The following MEF2A variants were observed in gnomAD, a reference collection of about 807,000 sequenced individuals.
The protein encoded by MEF2A is myocyte-specific enhancer factor 2A.
A neutral mutation model predicts 55.8 loss-of-function variants in MEF2A; 28 were observed. The ratio of observed to expected loss-of-function variants is 0.50; its 90% CI spans 0.37 to 0.69. MEF2A has a LOEUF of 0.69. Among genes scored for constraint, MEF2A ranks in the 30% least tolerant of loss-of-function variants. The pLI is 0.00. For synonymous variants in MEF2A, 239 were observed against 227.1 expected, an observed-to-expected ratio of 1.05 and a Z score of -0.47; for missense variants, 528 against 626.2, an observed-to-expected ratio of 0.84 and a Z score of 1.67.
At chr15:99,663,374 T>A (rs1371277009) in intron 4 of MEF2A, among the ~76,000 whole-genome samples, 1 of 152,086 alleles carries the variant, frequency 6.6e-6, no homozygotes, top group Non-Finnish European at 1.5e-5. Context: ...TATACGGAAA[T>A]GGACTGCACT....
At chr15:99,587,075 T>C (rs924839415) in intron 1 of MEF2A, among the ~76,000 whole-genome samples, 13 of 152,110 alleles carry the variant, frequency 8.5e-5, no homozygotes, top group Admixed American at 3.9e-4. Context: ...TTTTAAATTA[T>C]ACTTTAAGTT....
chr15:99,646,999 A>G (rs939467941), intron 4 of MEF2A, among the ~76,000 whole-genome samples: 3 of 152,102 alleles, frequency 2.0e-5, no homozygotes, highest in Non-Finnish European at 4.4e-5. Flanking sequence ...CCTGAATTGT[A>G]TATGAAATTT....
intron 4 of MEF2A, among the ~76,000 whole-genome samples, chr15:99,662,870 C>T (rs2048902267): frequency 6.6e-6 from 1 of 152,212 alleles, no homozygotes; most frequent in African/African-American, 2.4e-5. Context: ...ATGTACTGCT[C>T]AGCTGTGTCA....
intron 2 of MEF2A, among the ~76,000 whole-genome samples, chr15:99,623,967 C>G (rs560498001): frequency 2.0e-5 from 3 of 152,078 alleles, no homozygotes; most frequent in African/African-American, 7.2e-5. Context: ...ACCACCAACC[C>G]GGCTAATTTT....
At chr15:99,642,045 A>G (rs931597410) in intron 3 of MEF2A, among the ~76,000 whole-genome samples, 8 of 152,086 alleles carry the variant, frequency 5.3e-5, no homozygotes, top group African/African-American at 1.9e-4. Context: ...AAGGGCTTGT[A>G]GGTGTTATAC....
At chr15:99,601,932 C>T (rs1047684550) in intron 2 of MEF2A, among the ~76,000 whole-genome samples, 4 of 150,186 alleles carry the variant, frequency 2.7e-5, no homozygotes, top group African/African-American at 9.8e-5. Flanking sequence ...GATGTTATTT[C>T]TTCTTTAGGT....
intron 1 of MEF2A, among the ~76,000 whole-genome samples, chr15:99,574,095 A>G (rs1366546143): frequency 6.6e-6 from 1 of 152,184 alleles, no homozygotes; most frequent in African/African-American, 2.4e-5. Context: ...GAGAAAAGTT[A>G]CAAGAATAGT....
intron 4 of MEF2A, among the ~76,000 whole-genome samples, chr15:99,662,171 G>C (rs577506696): frequency 2.6e-5 from 4 of 152,224 alleles, no homozygotes; most frequent in African/African-American, 9.6e-5. Flanking sequence ...TGGGAGGAGA[G>C]GGTTATGGGA....
chr15:99,659,844 A>G (rs1005049184), intron 4 of MEF2A, among the ~76,000 whole-genome samples: 1 of 152,242 alleles, frequency 6.6e-6, no homozygotes, highest in Non-Finnish European at 1.5e-5. Flanking sequence ...ACTTTGATTC[A>G]TTGGACAGAT....
chr15:99,589,615 A>G (rs894006836), intron 1 of MEF2A, among the ~76,000 whole-genome samples: 1 of 152,104 alleles, frequency 6.6e-6, no homozygotes, highest in Non-Finnish European at 1.5e-5. Context: ...TTTTTCTTCT[A>G]AAATACGCAC....
intron 4 of MEF2A, among the ~76,000 whole-genome samples, chr15:99,648,275 A>T (rs529920002): frequency 3.9e-4 from 60 of 152,170 alleles, no homozygotes; most frequent in African/African-American, 1.4e-3. Flanking sequence ...CAAAGATTTG[A>T]GGGGGTTCTA....
At chr15:99,670,110 G>A (rs2050567119) in intron 4 of MEF2A, among the ~76,000 whole-genome samples, 1 of 152,064 alleles carries the variant, frequency 6.6e-6, no homozygotes, top group Non-Finnish European at 1.5e-5. Context: ...AAGAAAGAAA[G>A]AAATAAGACA....
intron 1 of MEF2A, among the ~76,000 whole-genome samples, chr15:99,570,483 A>G (rs1014798303): frequency 6.6e-6 from 1 of 152,224 alleles, no homozygotes; most frequent in Non-Finnish European, 1.5e-5. Context: ...TGCTTGAGAA[A>G]GGTTTTCAGT....
At position 99,630,581 on chromosome 15, in the gene MEF2A, C is replaced by T. The variant is rs191056508; in HGVS notation, c.-142-2397C>T. 1.8e-3 allele frequency among the ~76,000 whole-genome samples: 281 copies of T among 152,026 alleles called. 3 individuals are homozygous for T. The highest frequency in any genetic ancestry group is 0.016 in the Admixed American group (240 of 15,278). On this transcript the variant is annotated intron_variant, in intron 2 of 11. Coordinates refer to ENST00000557942, the MANE Select transcript of MEF2A (RefSeq NM_001319206.4). ...ATCTTGGTTTCAGTTGGGTTTTGAC[C>T]GGTTATATTTTGATTTCCAGACATT...
At position 99,712,424 on chromosome 15, in the gene MEF2A, T is replaced by A. The variant is rs1397523154; in HGVS notation, c.1171T>A (p.Ser391Thr). The change falls in exon 12 of 12, where the codon TCC (serine) becomes ACC (threonine). Residue 391 changes from serine to threonine, a missense_variant. By Grantham distance (58) the Ser-to-Thr change is moderately conservative. Transcript: ENST00000557942. The surrounding 1 kb of genome is among the most constrained non-coding windows in gnomAD (Gnocchi z 4.1). ...GCAGTTATCTCAGGGTTCCAATTTA[T>A]CCATTAATACCAACCAAAACATCAG... ...GGQLSQGSNL[S>T]INTNQNISIK... The A allele has an allele frequency of 1.2e-5, 19 of 1,541,960 alleles. No individual in the cohort carries two copies. The highest frequency in any genetic ancestry group is 1.6e-5 in the Non-Finnish European group (18 of 1,138,854).
intron 8 of MEF2A, among the ~76,000 whole-genome samples, chr15:99,694,965 T>C (rs960464577): frequency 2.3e-5 from 3 of 128,718 alleles, no homozygotes; most frequent in African/African-American, 5.4e-5. Context: ...CCCTTTGATA[T>C]ATCCTTATTT....
intron 4 of MEF2A, among the ~76,000 whole-genome samples, chr15:99,651,742 C>T (rs1217085622): frequency 6.6e-6 from 1 of 152,164 alleles, no homozygotes; most frequent in East Asian, 1.9e-4. Context: ...ATTATTTAAT[C>T]ATACAATTAT....
chr15:99,679,798 C>T (rs1406991114), intron 7 of MEF2A, among the ~76,000 whole-genome samples: 2 of 152,044 alleles, frequency 1.3e-5, no homozygotes, highest in African/African-American at 4.8e-5. Flanking sequence ...TAAAAGAATA[C>T]ACTAGATATA....
intron 4 of MEF2A, among the ~76,000 whole-genome samples, chr15:99,653,547 A>G (rs1462410997): frequency 6.6e-6 from 1 of 152,158 alleles, no homozygotes; most frequent in Non-Finnish European, 1.5e-5. Context: ...TTGATTTTCA[A>G]ATTTCTAACG....
Sources: gnomAD v4.1 joint callset for allele counts (sites outside exome capture counted in the v4.1 genomes callset) on GRCh38, gnomAD v4.1.1 for gene constraint, Gnocchi (gnomAD v3.1) non-coding constraint, MANE v1.5 for transcripts, NCBI Gene and HGNC (gene_info 2026-07-23, HGNC 2026-07-21) for gene names.